CACNA1E: variants seen among roughly 807,000 people sequenced by gnomAD.
CACNA1E encodes the protein calcium voltage-gated channel subunit alpha1 E, also known as voltage-dependent R-type calcium channel subunit alpha-1E.
Under a neutral mutation model 259.2 loss-of-function variants are expected in CACNA1E, and 40 were observed. The observed-to-expected ratio is 0.15, with a 90% confidence interval of 0.12 to 0.20. The LOEUF (loss-of-function observed/expected upper bound fraction) is 0.20, where lower values mean the gene tolerates loss of function less well. Among genes scored for constraint, CACNA1E ranks in the 10% least tolerant of loss-of-function variants. CACNA1E has a pLI of 1.00. For synonymous variants in CACNA1E, 1,104 were observed against 1,138.5 expected, an observed-to-expected ratio of 0.97 and a Z score of 0.61; for missense variants, 1,874 against 3,040.1, an observed-to-expected ratio of 0.62 and a Z score of 9.02.
At chr1:181,726,332 T>C (rs1348535294) in intron 18 of CACNA1E, among the ~76,000 whole-genome samples, 170 bp downstream of exon 18, 1 of 152,110 alleles carries the variant, frequency 6.6e-6, no homozygotes, top group African/African-American at 2.4e-5. Flanking sequence ...GTTATTTCAG[T>C]GAGTGAGATA....
At chr1:181,708,243 C>T (rs72735216) in intron 7 of CACNA1E, among the ~76,000 whole-genome samples, 18,779 of 152,062 alleles carry the variant, frequency 0.12, 1,272 homozygotes, top group Admixed American at 0.18. Context: ...TTGAACGTCA[C>T]GCTTGAAGGC....
chr1:181,760,134 A>G (rs1202512511), intron 32 of CACNA1E, among the ~76,000 whole-genome samples: 1 of 152,188 alleles, frequency 6.6e-6, no homozygotes, highest in Non-Finnish European at 1.5e-5. Flanking sequence ...CATGTTGATT[A>G]CTTGTATGTG....
rs201514362 is a variant in CACNA1E at position 181,537,095 on chromosome 1, CTTTTT to C, written c.512+25602_512+25606del. ...GGGGGCCGTGGTTTCTTTTTCTTTT[CTTTTT>C]TTTTTTTTTTTTTTTTGAGATGGAG... On this transcript the variant is annotated intron_variant, in intron 3 of 47. Transcript: ENST00000367573. Among the ~76,000 whole-genome samples the C allele has an allele frequency of 8.9e-5, 10 of 112,644 alleles. No homozygotes were observed. In the East Asian group the frequency reaches 1.2e-3, roughly 13 times the overall value. The allele number at this position is 112,644 out of a possible 152,430, so 73.9% of individuals were successfully genotyped here.
At chr1:181,512,995 C>G (rs1004527628) in intron 3 of CACNA1E, among the ~76,000 whole-genome samples, 1 of 152,064 alleles carries the variant, frequency 6.6e-6, no homozygotes, top group African/African-American at 2.4e-5. Flanking sequence ...TGTTATGATT[C>G]TATCTAGAAG....
chr1:181,738,538 C>T, intron 24 of CACNA1E, 112 bp downstream of exon 24: 1 of 818,326 alleles, frequency 1.2e-6, no homozygotes, highest in African/African-American at 1.7e-5. Flanking sequence ...TGGCAGCCCT[C>T]AGTAGAGCTT....
At chr1:181,535,072 A>G (rs1401861939) in intron 3 of CACNA1E, among the ~76,000 whole-genome samples, 1 of 152,234 alleles carries the variant, frequency 6.6e-6, no homozygotes, top group Non-Finnish European at 1.5e-5. Flanking sequence ...ACTGTGATAA[A>G]AAGAAAATAA....
chr1:181,644,257 G>T (rs1395758771), intron 6 of CACNA1E, among the ~76,000 whole-genome samples: 1 of 152,176 alleles, frequency 6.6e-6, no homozygotes, highest in Admixed American at 6.5e-5. Flanking sequence ...GGGTTTGCAA[G>T]AAGTTGACCC....
intron 43 of CACNA1E, among the ~76,000 whole-genome samples, chr1:181,787,729 T>C (rs895979526): frequency 6.6e-5 from 10 of 152,148 alleles, no homozygotes; most frequent in African/African-American, 2.4e-4. Context: ...TCACTCAGTT[T>C]GAGGGTTTAG....
At chr1:181,366,394 A>G (rs1290262927) in intron 1 of CACNA1E, among the ~76,000 whole-genome samples, 1 of 152,200 alleles carries the variant, frequency 6.6e-6, no homozygotes, top group Non-Finnish European at 1.5e-5. Flanking sequence ...TAGTTGTCTC[A>G]AGGTAAGAGT....
At chr1:181,377,983 T>G in intron 1 of CACNA1E, among the ~76,000 whole-genome samples, 1 of 152,250 alleles carries the variant, frequency 6.6e-6, no homozygotes, top group East Asian at 1.9e-4. Context: ...CACATAGTTT[T>G]GTCCTTCATC....
At chr1:181,674,640 GT>G (rs1165814053) in intron 7 of CACNA1E, among the ~76,000 whole-genome samples, 143 of 152,264 alleles carry the variant, frequency 9.4e-4, no homozygotes, top group Non-Finnish European at 1.5e-4. Context: ...TTCTGGGCCA[GT>G]TATCTGACCT....
chr1:181,343,117 C>G (rs1652301322), intron 1 of CACNA1E, among the ~76,000 whole-genome samples: 1 of 151,774 alleles, frequency 6.6e-6, no homozygotes, highest in African/African-American at 2.4e-5. Context: ...TAGGATGCCT[C>G]CTGGAACTTG....
intron 21 of CACNA1E, among the ~76,000 whole-genome samples, chr1:181,735,426 C>T (rs975155450): frequency 6.6e-6 from 1 of 152,244 alleles, no homozygotes; most frequent in African/African-American, 2.4e-5. Flanking sequence ...AGGTCCACTG[C>T]TGACACAGGG....
intron 3 of CACNA1E, among the ~76,000 whole-genome samples, chr1:181,573,968 C>T (rs1438792589): frequency 6.6e-6 from 1 of 152,178 alleles, no homozygotes; most frequent in Non-Finnish European, 1.5e-5. Flanking sequence ...GAGATCATGT[C>T]CTTTGTAGGG....
At chr1:181,640,278 T>C (rs901121710) in intron 6 of CACNA1E, among the ~76,000 whole-genome samples, 1 of 152,158 alleles carries the variant, frequency 6.6e-6, no homozygotes. Context: ...CTTCAGGCCT[T>C]CAGGTGATTA....
chr1:181,337,459 T>G (rs1651802136), intron 1 of CACNA1E, among the ~76,000 whole-genome samples: 1 of 152,224 alleles, frequency 6.6e-6, no homozygotes, highest in Admixed American at 6.5e-5. Context: ...TTAAGATCTG[T>G]AGATGTGTTC....
At chr1:181,322,261 T>A (rs1650416661) in intron 1 of CACNA1E, among the ~76,000 whole-genome samples, 1 of 152,028 alleles carries the variant, frequency 6.6e-6, no homozygotes, top group African/African-American at 2.4e-5. Context: ...CCATCTACAA[T>A]ATGCCCTGAA....
At chr1:181,431,063 A>G (rs1659681763) in intron 2 of CACNA1E, among the ~76,000 whole-genome samples, 1 of 152,250 alleles carries the variant, frequency 6.6e-6, no homozygotes, top group Non-Finnish European at 1.5e-5. Flanking sequence ...TAGAAAAATG[A>G]TATTCCAAAG....
At chr1:181,740,691 A>T (rs577746454) in intron 25 of CACNA1E, among the ~76,000 whole-genome samples, 3 of 152,186 alleles carry the variant, frequency 2.0e-5, no homozygotes, top group Non-Finnish European at 4.4e-5. Flanking sequence ...TGTGACTCTA[A>T]AATGGGCTGG....
Sources: gnomAD v4.1 joint callset for allele counts (sites outside exome capture counted in the v4.1 genomes callset) on GRCh38, gnomAD v4.1.1 for gene constraint, MANE v1.5 for transcripts, NCBI Gene and HGNC (gene_info 2026-07-23, HGNC 2026-07-21) for gene names.